The following R3HCC1 variants were observed in gnomAD, a reference collection of about 807,000 sequenced individuals.
The protein encoded by R3HCC1 is R3H and coiled-coil domain-containing protein 1.
Under a neutral mutation model 40.0 loss-of-function variants are expected in R3HCC1, and 32 were observed. The ratio of observed to expected loss-of-function variants is 0.80; its 90% CI spans 0.60 to 1.07. The LOEUF is 1.07. Ranked by LOEUF, R3HCC1 falls within the 50% of genes least tolerant of loss-of-function variation. The pLI is 0.00. For missense variants in R3HCC1, 586 were observed against 563.3 expected (o/e 1.04, Z -0.41); for synonymous variants, 237 against 232.8 (o/e 1.02, Z -0.17).
intron 5 of R3HCC1, 30 bp downstream of exon 5, chr8:23,291,563 CAG>C: frequency 6.5e-7 from 1 of 1,548,892 alleles, no homozygotes. Flanking sequence ...GTGCTGCCTT[CAG>C]AGAGGAGCTA....
Position 23,295,012 on chromosome 8 carries a change from G to T in R3HCC1, c.1192+148G>T, listed in dbSNP as rs564874109. On this transcript the variant is annotated intron_variant, in intron 7 of 7. Coordinates refer to ENST00000265806, the MANE Select transcript of R3HCC1 (RefSeq NM_001136108.3). ...CGCTTGACTTCTCTGCTCTTAGGGA[G>T]CCCTGGGCTGCAGTAGCCAGTGGGG... The T allele has an allele frequency of 7.9e-5, 53 of 671,010 alleles. No individual in the cohort carries two copies. In the African/African-American group the frequency reaches 8.0e-4, roughly 10 times the overall value. The allele number at this position is 671,010 out of a possible 1,614,324, so 41.6% of individuals were successfully genotyped here.
chr8:23,295,313 G>A (rs150524402), intron 7 of R3HCC1: 192 of 369,356 alleles, frequency 5.2e-4, no homozygotes, highest in Non-Finnish European at 8.7e-4. Context: ...CTCAGTGTGT[G>A]AGTTGGTTTC....
At chr8:23,293,674 A>G (rs1311628715) in intron 6 of R3HCC1, among the ~76,000 whole-genome samples, 1 of 152,214 alleles carries the variant, frequency 6.6e-6, no homozygotes, top group African/African-American at 2.4e-5. Context: ...CCTGTGTTAA[A>G]TGAAACCACA....
chr8:23,294,737 G>A (rs902461054), intron 6 of R3HCC1, 32 bp from the exon 7 acceptor site: 1 of 1,514,258 alleles, frequency 6.6e-7, no homozygotes, highest in Non-Finnish European at 9.0e-7. Flanking sequence ...TGAGGAGGAG[G>A]GAGTGGCTCC....
chr8:23,293,400 C>G, intron 6 of R3HCC1, 27 bp downstream of exon 6: 1 of 1,529,248 alleles, frequency 6.5e-7, no homozygotes, highest in Non-Finnish European at 8.9e-7. Context: ...GGGCCCAGCC[C>G]TTGCTCGGAT....
chr8:23,292,505 T>G lies in R3HCC1; in HGVS notation c.1026-798T>G, dbSNP rs191325775. Among the ~76,000 whole-genome samples the G allele has an allele frequency of 9.1e-3, 1,384 of 152,230 alleles. 31 individuals are homozygous for G. The highest frequency in any genetic ancestry group is 0.031 in the African/African-American group (1,292 of 41,516). On this transcript the variant is annotated intron_variant, in intron 5 of 7. Coordinates refer to ENST00000265806, the MANE Select transcript of R3HCC1 (RefSeq NM_001136108.3). ...GGCAGGCGCCTGTAGTCCCAGCTAC[T>G]CGGGAGGCTGAGGCAGGAGAATGGT... is the stretch of plus-strand genomic sequence containing the variant.
intron 7 of R3HCC1, among the ~76,000 whole-genome samples, chr8:23,295,236 C>A (rs1317276971): frequency 6.6e-6 from 1 of 152,140 alleles, no homozygotes; most frequent in Non-Finnish European, 1.5e-5. Flanking sequence ...GCTTTGGGGT[C>A]CGCTCCGGGA....
chr8:23,293,449 G>A, intron 6 of R3HCC1, 76 bp downstream of exon 6: 1 of 1,165,772 alleles, frequency 8.6e-7, no homozygotes, highest in Non-Finnish European at 1.2e-6. Context: ...CCTGGGTAGA[G>A]GCCACCATCT....
At position 23,291,479 on chromosome 8, in the gene R3HCC1, A is replaced by C; in HGVS notation, c.971A>C (p.Asp324Ala). The change falls in exon 5 of 8, where the codon GAC (aspartate) becomes GCC (alanine). Residue 324 changes from aspartate (D) to alanine (A), a missense_variant. Coordinates refer to ENST00000265806, the MANE Select transcript of R3HCC1 (RefSeq NM_001136108.3). ...CTTGCCCACGTGGTAGAGATCTATG[A>C]CTTTGAACCAGCGCTCAAGACGGAG... 1 of 1,551,550 alleles carries C rather than the reference A, an allele frequency of 6.4e-7. No individual in the cohort carries two copies.
At chr8:23,291,595 G>C in intron 5 of R3HCC1, 62 bp downstream of exon 5, 1 of 1,534,682 alleles carries the variant, frequency 6.5e-7, no homozygotes. Context: ...TCTGTAGCTG[G>C]GGGTGCTTGC....
intron 7 of R3HCC1, 189 bp from the exon 8 acceptor site, chr8:23,295,778 G>A: frequency 1.3e-6 from 1 of 792,384 alleles, no homozygotes; most frequent in Non-Finnish European, 2.0e-6. Flanking sequence ...AGCATCCCCT[G>A]GGGGGCCAGG....
At chr8:23,291,176 G>A in intron 4 of R3HCC1, 185 bp from the exon 5 acceptor site, 3 of 655,310 alleles carry the variant, frequency 4.6e-6, no homozygotes, top group East Asian at 5.7e-5. Flanking sequence ...ATACAAGTAA[G>A]TGCCCTCCCG....
chr8:23,291,577 G>T, intron 5 of R3HCC1, 44 bp downstream of exon 5: 1 of 1,542,772 alleles, frequency 6.5e-7, no homozygotes, highest in Non-Finnish European at 8.8e-7. Flanking sequence ...GAGGAGCTAA[G>T]ATACTTCTCT....
intron 5 of R3HCC1, 51 bp downstream of exon 5, chr8:23,291,584 C>T (rs1376006323): frequency 2.6e-6 from 4 of 1,539,978 alleles, no homozygotes; most frequent in African/African-American, 1.4e-5. Flanking sequence ...TAAGATACTT[C>T]TCTGTAGCTG....
chr8:23,293,413 C>G, intron 6 of R3HCC1, 40 bp downstream of exon 6: 1 of 1,488,890 alleles, frequency 6.7e-7, no homozygotes, highest in South Asian at 1.2e-5. Context: ...GCTCGGATCC[C>G]TGTTGAGAGG....
chr8:23,292,089 C>T (rs1802879607), intron 5 of R3HCC1, among the ~76,000 whole-genome samples: 2 of 152,014 alleles, frequency 1.3e-5, no homozygotes, highest in Admixed American at 6.5e-5. Flanking sequence ...CTCATTTTGC[C>T]TTCTCCCCTT....
intron 4 of R3HCC1, 32 bp downstream of exon 4, chr8:23,290,501 G>A (rs1802844503): frequency 6.6e-7 from 1 of 1,525,890 alleles, no homozygotes; most frequent in Admixed American, 2.0e-5. Context: ...AAAAGGGAGG[G>A]CGGAGGTGAG....
intron 3 of R3HCC1, 63 bp downstream of exon 3, chr8:23,289,216 C>T: frequency 6.6e-7 from 1 of 1,517,832 alleles, no homozygotes; most frequent in Non-Finnish European, 8.8e-7. Flanking sequence ...GCTAGCTGGT[C>T]AGCCTTTGGA....
At chr8:23,291,577 G>A in intron 5 of R3HCC1, 44 bp downstream of exon 5, 1 of 1,542,772 alleles carries the variant, frequency 6.5e-7, no homozygotes, top group Non-Finnish European at 8.8e-7. Flanking sequence ...GAGGAGCTAA[G>A]ATACTTCTCT....
Sources: gnomAD v4.1 joint callset for allele counts (sites outside exome capture counted in the v4.1 genomes callset) on GRCh38, gnomAD v4.1.1 for gene constraint, MANE v1.5 for transcripts, NCBI Gene and HGNC (gene_info 2026-07-23, HGNC 2026-07-21) for gene names.